Variants in NFX1 observed in about 807,000 individuals in gnomAD.
NFX1 encodes the protein nuclear transcription factor, X-box binding 1, also known as transcriptional repressor NF-X1.
Under a neutral mutation model 137.2 loss-of-function variants are expected in NFX1, and 69 were observed. The observed-to-expected ratio is 0.50, with a 90% CI of 0.41 to 0.61. The LOEUF (loss-of-function observed/expected upper bound fraction) is 0.61. Ranked by LOEUF, NFX1 falls within the 20% of genes least tolerant of loss-of-function variation. NFX1 has a pLI of 0.00. For missense variants in NFX1, 1,167 were observed against 1,391.0 expected, an observed-to-expected ratio of 0.84 and a Z score of 2.56; for synonymous variants, 495 against 474.1, an observed-to-expected ratio of 1.04 and a Z score of -0.57.
chr9:33,298,333 G>T (rs1587816697), intron 2 of NFX1, among the ~76,000 whole-genome samples: 1 of 152,300 alleles, frequency 6.6e-6, no homozygotes, highest in East Asian at 1.9e-4. Context: ...GTGGGGAGGG[G>T]TATTATAGGC....
intron 1 of NFX1, among the ~76,000 whole-genome samples, chr9:33,291,835 G>A (rs1199093924): frequency 1.3e-5 from 2 of 152,154 alleles, no homozygotes; most frequent in Non-Finnish European, 2.9e-5. Context: ...CCCTGGAGGC[G>A]GAAGTTGCAG....
chr9:33,332,559 A>C, intron 11 of NFX1, 57 bp downstream of exon 11: 1 of 1,300,794 alleles, frequency 7.7e-7, no homozygotes, highest in Non-Finnish European at 1.1e-6. Flanking sequence ...GTCACTCTGA[A>C]TCTTGTTAGG....
intron 10 of NFX1, among the ~76,000 whole-genome samples, chr9:33,329,134 A>G (rs1466193337): frequency 1.3e-5 from 2 of 152,234 alleles, no homozygotes; most frequent in Non-Finnish European, 2.9e-5. Context: ...CAGCCAAGGG[A>G]AGAAGTATGT....
At chr9:33,365,713 CTGTG>C (rs1158361148) in intron 21 of NFX1, 4 of 152,254 alleles carry the variant, frequency 2.6e-5, no homozygotes, top group Admixed American at 6.5e-5. Context: ...AGTTGAGTGA[CTGTG>C]TGGGACACTT....
At chr9:33,347,624 T>C in intron 15 of NFX1, 1 of 337,152 alleles carries the variant, frequency 3.0e-6, no homozygotes. Flanking sequence ...CTGTGGAGAT[T>C]CCTTAAAGAA....
rs901019298 is a variant in NFX1, at chr9:33,344,165, G to A, written c.2321G>A (p.Arg774Lys). 1.2e-6 allele frequency: 2 copies of A among 1,614,056 alleles called. No homozygotes were observed. Among genetic ancestry groups the A allele is most frequent in the Non-Finnish European group, 1.7e-6 (2 of 1,179,954 alleles). ...RPPECTQTCARVHECDHPVYH... is the reference protein window; with the variant it reads ...RPPECTQTCAKVHECDHPVYH... The stretch of plus-strand genomic sequence containing the variant: ...CCTGAATGTACCCAAACCTGCGCTA[G>A]AGTCCATGAGTGTGACCATCCAGGT... Residue 774 changes from arginine to lysine, a missense_variant, in exon 14 of 24, where the codon AGA becomes AAA. Transcript: ENST00000379540.
At chr9:33,305,118 G>T (rs1051192342) in intron 4 of NFX1, among the ~76,000 whole-genome samples, 1 of 152,232 alleles carries the variant, frequency 6.6e-6, no homozygotes, top group African/African-American at 2.4e-5. Context: ...TCAAGGCACT[G>T]TGAAGAAACA....
At chr9:33,369,160 G>C (rs1236059398) in intron 23 of NFX1, among the ~76,000 whole-genome samples, 3 of 152,108 alleles carry the variant, frequency 2.0e-5, no homozygotes, top group Non-Finnish European at 2.9e-5. Flanking sequence ...CCGCCTCCCG[G>C]GTTCATGCCA....
chr9:33,355,211 T>C (rs1324226679), intron 19 of NFX1, among the ~76,000 whole-genome samples: 1 of 152,228 alleles, frequency 6.6e-6, no homozygotes, highest in East Asian at 1.9e-4. Context: ...TAGTTAACTT[T>C]TCGTTGAAGT....
chr9:33,365,012 G>T (rs1161295104), intron 21 of NFX1: 9 of 1,298,826 alleles, frequency 6.9e-6, no homozygotes, highest in Non-Finnish European at 7.9e-6. Flanking sequence ...AGTGTCTCAT[G>T]CCTGTAATGC....
chr9:33,321,709 G>A (rs1288774587), intron 9 of NFX1, among the ~76,000 whole-genome samples: 2 of 152,032 alleles, frequency 1.3e-5, no homozygotes, highest in African/African-American at 4.8e-5. Flanking sequence ...GACCCTGTAT[G>A]TACCAAAAAA....
intron 15 of NFX1, among the ~76,000 whole-genome samples, chr9:33,347,413 C>G (rs1390443590): frequency 1.3e-5 from 2 of 152,132 alleles, no homozygotes; most frequent in Non-Finnish European, 2.9e-5. Context: ...ACTCAATGTC[C>G]CCTACTTCCA....
At chr9:33,306,623 C>T (rs545506717) in intron 4 of NFX1, among the ~76,000 whole-genome samples, 41 of 152,172 alleles carry the variant, frequency 2.7e-4, no homozygotes, top group Non-Finnish European at 5.6e-4. Flanking sequence ...AATCCTGTGC[C>T]TTCGTTTTAC....
At chr9:33,345,727 T>C (rs1289629306) in intron 14 of NFX1, among the ~76,000 whole-genome samples, 1 of 152,230 alleles carries the variant, frequency 6.6e-6, no homozygotes, top group Non-Finnish European at 1.5e-5. Context: ...ATATAAACTT[T>C]TAATTTCAAT....
intron 9 of NFX1, among the ~76,000 whole-genome samples, chr9:33,324,945 A>G (rs1822525397): frequency 6.6e-6 from 1 of 150,904 alleles, no homozygotes; most frequent in Non-Finnish European, 1.5e-5. Context: ...AAAAAAAAAG[A>G]AAGAGATTAT....
chr9:33,344,211 A>C, intron 14 of NFX1, 23 bp downstream of exon 14: 1 of 1,613,020 alleles, frequency 6.2e-7, no homozygotes. Flanking sequence ...TTGTCTTCAC[A>C]CTTCAGCCTG....
chr9:33,302,153 A>G lies in NFX1; in HGVS notation c.1192+732A>G, dbSNP rs1391883107. ...TAGTTTACATGTTTATGGGGTACAC[A>G]TGATATTTTGATACAAGCGTACAAT... is the stretch of plus-strand genomic sequence containing the variant. On this transcript the variant is annotated intron_variant, in intron 3 of 23. Coordinates refer to ENST00000379540, the MANE Select transcript of NFX1 (RefSeq NM_002504.6). 1.3e-4 allele frequency among the ~76,000 whole-genome samples: 20 copies of G among 152,232 alleles called. No individual in the cohort carries two copies. In the East Asian group the frequency reaches 2.5e-3, roughly 19 times the overall value.
At position 33,313,648 on chromosome 9, in the gene NFX1, T is replaced by C. The variant is rs146470023; in HGVS notation, c.1449-6T>C. 458 of 1,613,964 alleles carry C rather than the reference T, an allele frequency of 2.8e-4. 2 individuals are homozygous for C. Among genetic ancestry groups the C allele is most frequent in the Non-Finnish European group, 3.6e-4 (423 of 1,179,870 alleles). ...GATGCTGTCTTTACATCTATTGTCT[T>C]TACAGGCACACAGTTCGCTGTGGTC... On this transcript the variant is annotated splice_region_variant and splice_polypyrimidine_tract_variant and intron_variant, in intron 6 of 23. Coordinates refer to ENST00000379540, the MANE Select transcript of NFX1 (RefSeq NM_002504.6).
At chr9:33,322,896 C>CAGGGAAAGGTAGCT (rs1467232536) in intron 9 of NFX1, among the ~76,000 whole-genome samples, 1 of 152,168 alleles carries the variant, frequency 6.6e-6, no homozygotes, top group Non-Finnish European at 1.5e-5. Flanking sequence ...CAGAGAGAAT[C>CAGGGAAAGGTAGCT]AGGGAAAGGT....
Sources: gnomAD v4.1 joint callset for allele counts (sites outside exome capture counted in the v4.1 genomes callset) on GRCh38, gnomAD v4.1.1 for gene constraint, MANE v1.5 for transcripts, NCBI Gene and HGNC (gene_info 2026-07-23, HGNC 2026-07-21) for gene names.